OPRM1: variants seen among roughly 807,000 people sequenced by gnomAD.
The protein encoded by OPRM1 is opioid receptor mu 1.
Under a neutral mutation model 31.8 loss-of-function variants are expected in OPRM1, and 27 were observed. The observed-to-expected ratio is 0.85, with a 90% CI of 0.63 to 1.17. OPRM1 has a LOEUF of 1.17. Ranked by LOEUF, OPRM1 falls within the 50% of genes most tolerant of loss-of-function variation. OPRM1 has a pLI of 0.00. For missense variants in OPRM1, 536 were observed against 511.1 expected, an observed-to-expected ratio of 1.05 and a Z score of -0.47; for synonymous variants, 196 against 189.9, an observed-to-expected ratio of 1.03 and a Z score of -0.26.
At chr6:154,111,790 C>T (rs1486910049) in intron 3 of OPRM1, among the ~76,000 whole-genome samples, 1 of 150,292 alleles carries the variant, frequency 6.7e-6, no homozygotes, top group Non-Finnish European at 1.5e-5. Flanking sequence ...ATTTTGAGAC[C>T]GAGTCTCGCT....
rs373120574 is a variant in OPRM1 at position 154,019,747 on chromosome 6, C to CTTT, written c.-1+8745_-1+8747dup. On this transcript the variant is annotated intron_variant, in intron 1 of 5. Coordinates refer to the OPRM1 transcript ENST00000434900. ...TAGTGGCTTTCTTTTCTTTTCTTTT[C>CTTT]TTTTTTTTTTTTTTTTTTGAGACAG... is the stretch of plus-strand genomic sequence containing the variant. 4.1e-5 allele frequency among the ~76,000 whole-genome samples: 5 copies of CTTT among 121,988 alleles called. 1 individual carries two copies. In the South Asian group the frequency reaches 8.1e-4, roughly 20 times the overall value. 80.0% of individuals were successfully genotyped at this position (121,988 alleles called of 152,430 possible). A position where few individuals can be genotyped will look rare whatever the true frequency, so the allele number is the denominator to read the frequency against.
chr6:154,146,791 G>T (rs1400469764), intron 3 of OPRM1, among the ~76,000 whole-genome samples: 1 of 152,190 alleles, frequency 6.6e-6, no homozygotes, highest in Non-Finnish European at 1.5e-5. Context: ...CGAGGGGTGG[G>T]TAACTGTCCT....
chr6:154,132,247 T>C lies in OPRM1; in HGVS notation c.*13526T>C, dbSNP rs1797938228. ...AAATATAAATTTTTGCATTGTATTGTTCTTGATGTACCAGCATACATAAAC... is the reference window on the plus strand; with the variant it reads ...AAATATAAATTTTTGCATTGTATTGCTCTTGATGTACCAGCATACATAAAC... On this transcript the variant is annotated 3_prime_UTR_variant, in exon 4 of 4. Coordinates refer to ENST00000330432, the MANE Select transcript of OPRM1 (RefSeq NM_000914.5). Among the ~76,000 whole-genome samples, 1 of 152,246 alleles carries C rather than the reference T, an allele frequency of 6.6e-6. No homozygotes were observed. Among genetic ancestry groups the C allele is most frequent in the South Asian group, 2.1e-4 (1 of 4,836 alleles).
intron 3 of OPRM1, among the ~76,000 whole-genome samples, chr6:154,147,865 T>C (rs1798398139): frequency 6.6e-6 from 1 of 152,258 alleles, no homozygotes; most frequent in Non-Finnish European, 1.5e-5. Context: ...AGTGAAGAGC[T>C]GGACCAGTCC....
intron 1 of OPRM1, among the ~76,000 whole-genome samples, chr6:154,078,857 G>A (rs9478505): frequency 0.16 from 23,940 of 151,956 alleles, 1,956 homozygotes; most frequent in Non-Finnish European, 0.17. Context: ...CAGCCTGGGC[G>A]ACAGAGCCAG....
chr6:154,019,822 T>G (rs1355970378), intron 1 of OPRM1, among the ~76,000 whole-genome samples: 1 of 149,314 alleles, frequency 6.7e-6, no homozygotes, highest in East Asian at 2.0e-4. Context: ...CAGCCTCTCC[T>G]TTCCGGGCTC....
chr6:154,152,347 G>GAAAGAAAGAAAGAAAGAAAAGAAAA lies in OPRM1; in HGVS notation c.1164+60875_1164+60876insAAAGAAAGAAAGAAAGAAAAGAAAA. Among the ~76,000 whole-genome samples, 73 of 65,202 alleles carry GAAAGAAAGAAAGAAAGAAAAGAAAA rather than the reference G, an allele frequency of 1.1e-3. 2 individuals carry two copies. Among genetic ancestry groups the GAAAGAAAGAAAGAAAGAAAAGAAAA allele is most frequent in the Admixed American group, 2.4e-3 (12 of 5,102 alleles). 42.8% of individuals were successfully genotyped at this position (65,202 alleles called of 152,430 possible). On this transcript the variant is annotated intron_variant, in intron 3 of 3. Coordinates refer to the OPRM1 transcript ENST00000337049. ...AGAAAGAAAGAAAGAAAGAAAGAAA[G>GAAAGAAAGAAAGAAAGAAAAGAAAA]GAAAGAAAGAAAGAAAGAAAGAAAG...
chr6:154,091,318 T>C lies in OPRM1; in HGVS notation c.1010T>C (p.Leu337Pro), dbSNP rs1274767615. 6.8e-6 allele frequency: 11 copies of C among 1,614,104 alleles called. No homozygotes were observed. Among genetic ancestry groups the C allele is most frequent in the Non-Finnish European group, 9.3e-6 (11 of 1,180,042 alleles). ...GYTNSCLNPV[L>P]YAFLDENFKR... ...ACAAACAGCTGCCTCAACCCAGTCC[T>C]TTATGCATTTCTGGATGAAAACTTC... The change falls in exon 3 of 4, where the codon CTT becomes CCT. Residue 337 changes from leucine to proline, a missense_variant. Transcript: ENST00000330432.
At chr6:154,035,982 ATAAT>A (rs1779279002), upstream of OPRM1, among the ~76,000 whole-genome samples, 1 of 152,108 alleles carries the variant, frequency 6.6e-6, no homozygotes, top group African/African-American at 2.4e-5. Context: ...ACTGTATGAA[ATAAT>A]TATGTTTGTA....
chr6:154,219,908 G>T (rs1038436471), intron 3 of OPRM1, among the ~76,000 whole-genome samples: 2 of 152,198 alleles, frequency 1.3e-5, no homozygotes, highest in African/African-American at 2.4e-5. Context: ...CATCTGGAGG[G>T]TGATGCTGGG....
chr6:154,221,361 A>T (rs780108601), intron 3 of OPRM1: 1 of 1,553,612 alleles, frequency 6.4e-7, no homozygotes, highest in Admixed American at 1.7e-5. Flanking sequence ...CACATAAAAA[A>T]TTAGTGTTTA....
chr6:154,102,052 G>T (rs554994035), intron 3 of OPRM1, among the ~76,000 whole-genome samples: 1 of 151,982 alleles, frequency 6.6e-6, no homozygotes, highest in African/African-American at 2.4e-5. Flanking sequence ...TGATCCTCCT[G>T]CCTCAGCCTC....
At position 154,175,362 on chromosome 6, in the gene OPRM1, TA is replaced by T. The variant is rs1005812138; in HGVS notation, c.1165-71324del. On this transcript the variant is annotated intron_variant, in intron 3 of 3. Transcript: ENST00000337049. ...GGAGGTAGAGACACAAAAAACCCTT[TA>T]AAAAAATCAGTGAATCCAGGAGCTT... is the stretch of plus-strand genomic sequence containing the variant. Among the ~76,000 whole-genome samples the T allele has an allele frequency of 3.5e-5, 5 of 144,474 alleles. No homozygotes were observed. The South Asian group carries it at 8.7e-4, about 25-fold the overall frequency. The allele number at this position is 144,474 out of a possible 152,430, so 94.8% of individuals were successfully genotyped here.
intron 3 of OPRM1, among the ~76,000 whole-genome samples, chr6:154,139,128 C>CTA (rs1798135058): frequency 6.6e-6 from 1 of 152,140 alleles, no homozygotes; most frequent in Non-Finnish European, 1.5e-5. Context: ...AAACTCTGAC[C>CTA]TCTGGCTTGG....
chr6:154,108,064 C>A lies in OPRM1; in HGVS notation c.1165-10619C>A, dbSNP rs542615961. 48 of 656,502 alleles carry A rather than the reference C, an allele frequency of 7.3e-5. No homozygotes were observed. The South Asian group carries it at 8.2e-4, about 11-fold the overall frequency. 40.7% of individuals were successfully genotyped at this position (656,502 alleles called of 1,614,324 possible). A position where few individuals can be genotyped will look rare whatever the true frequency, so the allele number is the denominator to read the frequency against. On this transcript the variant is annotated intron_variant, in intron 3 of 3. Coordinates refer to ENST00000330432, the MANE Select transcript of OPRM1 (RefSeq NM_000914.5). Reference sequence around the variant, plus strand: ...CTGGTAAGAAATTGTTACCCTTTTGCCAGCATGCCAGGCTTCTGGGTTCCC... The same window carrying A: ...CTGGTAAGAAATTGTTACCCTTTTGACAGCATGCCAGGCTTCTGGGTTCCC...
At chr6:154,025,010 T>G (rs891978035) in intron 1 of OPRM1, among the ~76,000 whole-genome samples, 5 of 152,040 alleles carry the variant, frequency 3.3e-5, no homozygotes, top group Admixed American at 3.3e-4. Context: ...TGTAGCTGTT[T>G]CGTGAAATGT....
intron 3 of OPRM1, chr6:154,216,962 C>A: frequency 6.2e-6 from 1 of 162,512 alleles, no homozygotes; most frequent in East Asian, 1.6e-4. Flanking sequence ...CCAAAAAACC[C>A]CATAAAACCA....
At chr6:154,135,522 T>TAGATATAGATAC (rs1263193616), downstream of OPRM1, among the ~76,000 whole-genome samples, 7 of 151,984 alleles carry the variant, frequency 4.6e-5, no homozygotes, top group African/African-American at 1.7e-4. Context: ...GATATAGATA[T>TAGATATAGATAC]AGATATAGAT....
intron 1 of OPRM1, among the ~76,000 whole-genome samples, chr6:154,022,220 C>T (rs1778417197): frequency 6.6e-6 from 1 of 152,200 alleles, no homozygotes; most frequent in South Asian, 2.1e-4. Flanking sequence ...TTTTCTGCAT[C>T]TGTTGATATG....
Sources: gnomAD v4.1 joint callset for allele counts (sites outside exome capture counted in the v4.1 genomes callset) on GRCh38, gnomAD v4.1.1 for gene constraint, MANE v1.5 for transcripts, NCBI Gene and HGNC (gene_info 2026-07-23, HGNC 2026-07-21) for gene names.